Variants in LMLN observed in about 807,000 individuals in gnomAD.
LMLN encodes leishmanolysin-like peptidase.
In LMLN, 70 loss-of-function variants were observed where a neutral mutation model predicts 92.3. That is an observed-to-expected ratio of 0.76 (90% CI 0.63 to 0.92). The LOEUF is 0.92. Among genes scored for constraint, LMLN ranks in the 40% least tolerant of loss-of-function variants. The pLI, the probability that LMLN is intolerant of heterozygous loss-of-function variation, is 0.00. For synonymous variants in LMLN, 308 were observed against 296.2 expected (o/e 1.04, Z -0.41); for missense variants, 691 against 814.6 (o/e 0.85, Z 1.85).
At chr3:197,969,974 T>C (rs1221218183) in intron 1 of LMLN, among the ~76,000 whole-genome samples, 1 of 152,062 alleles carries the variant, frequency 6.6e-6, no homozygotes, top group African/African-American at 2.4e-5. Flanking sequence ...TGAAACCCTG[T>C]CTCTACTAAA....
intron 1 of LMLN, among the ~76,000 whole-genome samples, chr3:197,967,763 C>T (rs1224023617): frequency 2.0e-5 from 3 of 152,148 alleles, no homozygotes; most frequent in African/African-American, 7.2e-5. Flanking sequence ...TATTTCAGTC[C>T]TTATCTCAAC....
At chr3:197,960,626 C>T (rs1720837350) in intron 1 of LMLN, among the ~76,000 whole-genome samples, 186 bp downstream of exon 1, 1 of 152,194 alleles carries the variant, frequency 6.6e-6, no homozygotes, top group Non-Finnish European at 1.5e-5. Flanking sequence ...GTTAGGCGCT[C>T]AGAACAGTAT....
chr3:197,961,869 A>G (rs1232794269), intron 1 of LMLN, among the ~76,000 whole-genome samples: 1 of 152,182 alleles, frequency 6.6e-6, no homozygotes, highest in Non-Finnish European at 1.5e-5. Context: ...GCCGGTACAA[A>G]CAACATCAGA....
Position 198,021,427 on chromosome 3 carries a change from C to G in LMLN, c.1366-19C>G. On this transcript the variant is annotated intron_variant, in intron 12 of 15. Coordinates refer to ENST00000330198, the Ensembl canonical transcript of LMLN. ...AGAATGTTTCTTACTTTCTTGTCTTCCCAATATTTTTTCTGCAGTACTTTG... is the reference window on the plus strand; with the variant it reads ...AGAATGTTTCTTACTTTCTTGTCTTGCCAATATTTTTTCTGCAGTACTTTG... 1.9e-6 allele frequency: 3 copies of G among 1,609,580 alleles called. No homozygotes were observed. The highest frequency in any genetic ancestry group is 2.5e-6 in the Non-Finnish European group (3 of 1,177,406).
intron 8 of LMLN, among the ~76,000 whole-genome samples, chr3:197,989,207 C>T (rs1721798510): frequency 6.6e-6 from 1 of 152,136 alleles, no homozygotes; most frequent in African/African-American, 2.4e-5. Context: ...TGGAAACGCA[C>T]CACACCGCTC....
intron 11 of LMLN, among the ~76,000 whole-genome samples, chr3:198,008,364 CATA>C (rs1722349056): frequency 6.6e-6 from 1 of 152,124 alleles, no homozygotes; most frequent in Non-Finnish European, 1.5e-5. Context: ...TTATGAAATA[CATA>C]ATAATTATTA....
chr3:197,969,107 G>A (rs1048497040), intron 1 of LMLN, among the ~76,000 whole-genome samples: 2 of 151,034 alleles, frequency 1.3e-5, no homozygotes, highest in African/African-American at 4.8e-5. Flanking sequence ...TTTGAGATAG[G>A]GTCTCACTCT....
intron 11 of LMLN, among the ~76,000 whole-genome samples, chr3:198,010,796 A>G (rs1363876702): frequency 2.0e-5 from 3 of 152,112 alleles, no homozygotes; most frequent in Non-Finnish European, 4.4e-5. Context: ...TTGATTTGAG[A>G]TATTTCCTGT....
rs33926276 is a variant in LMLN at position 198,035,200 on chromosome 3, C to CAAAA, written c.1657-619_1657-616dup. Among the ~76,000 whole-genome samples, 44 of 96,602 alleles carry CAAAA rather than the reference C, an allele frequency of 4.6e-4. 1 individual carries two copies. Among genetic ancestry groups the CAAAA allele is most frequent in the African/African-American group, 1.5e-3 (43 of 28,134 alleles). The allele number at this position is 96,602 out of a possible 152,430, so 63.4% of individuals were successfully genotyped here. A position where few individuals can be genotyped will look rare whatever the true frequency, so the allele number is the denominator to read the frequency against. On this transcript the variant is annotated intron_variant, in intron 14 of 15. Coordinates refer to ENST00000330198, the Ensembl canonical transcript of LMLN. ...TGGGCAACAGAGCAAGACCCCATCT[C>CAAAA]AAAAAAAAAAAAAAAAAGCTGTATG...
At chr3:198,012,166 G>A (rs528978514) in intron 11 of LMLN, among the ~76,000 whole-genome samples, 1 of 152,264 alleles carries the variant, frequency 6.6e-6, no homozygotes, top group South Asian at 2.1e-4. Context: ...CCGAGTTCAA[G>A]CTCTTCTCCT....
chr3:197,985,588 G>A (rs1335525611), intron 7 of LMLN: 1 of 367,316 alleles, frequency 2.7e-6, no homozygotes, highest in Non-Finnish European at 4.9e-6. Flanking sequence ...TTTCTCGTTA[G>A]AAATATTTAC....
intron 1 of LMLN, among the ~76,000 whole-genome samples, chr3:197,961,885 T>A (rs756427116): frequency 5.3e-5 from 8 of 152,200 alleles, no homozygotes; most frequent in Non-Finnish European, 5.9e-5. Context: ...TCAGAATAAT[T>A]TAATGAACCC....
exon 16 of LMLN, chr3:198,038,889 C>T: frequency 3.5e-6 from 1 of 288,716 alleles, no homozygotes; most frequent in Non-Finnish European, 5.8e-6. Context: ...CCTTCATCAG[C>T]AACCCAACCA....
chr3:198,035,788 C>A, intron 14 of LMLN, 45 bp from the exon 16 acceptor site: 1 of 1,377,080 alleles, frequency 7.3e-7, no homozygotes, highest in Non-Finnish European at 1.0e-6. Flanking sequence ...TCTTACTGAC[C>A]TGATATTTAT....
chr3:197,985,599 C>A, intron 7 of LMLN, 197 bp from the exon 8 acceptor site: 2 of 378,644 alleles, frequency 5.3e-6, no homozygotes, highest in Admixed American at 4.1e-5. Context: ...AAATATTTAC[C>A]TCAAGTAATC....
At chr3:197,996,978 G>A (rs1480971056) in intron 10 of LMLN, among the ~76,000 whole-genome samples, 2 of 150,988 alleles carry the variant, frequency 1.3e-5, no homozygotes, top group South Asian at 2.1e-4. Context: ...TCGTTTGTTC[G>A]TTCTTTTCTT....
At chr3:197,993,987 ATTTTTAATAAAGG>A (rs1427746792) in intron 9 of LMLN, among the ~76,000 whole-genome samples, 1 of 152,204 alleles carries the variant, frequency 6.6e-6, no homozygotes. Flanking sequence ...TGGTTAATTG[ATTTTTAATAAAGG>A]TGCTAAGAAT....
chr3:197,996,501 G>A (rs1046657498), intron 10 of LMLN: 2 of 312,306 alleles, frequency 6.4e-6, no homozygotes, highest in African/African-American at 2.2e-5. Flanking sequence ...ACGCTGAATT[G>A]TCTATTTTTT....
chr3:197,986,247 G>A (rs1489624511), intron 8 of LMLN, among the ~76,000 whole-genome samples: 1 of 152,144 alleles, frequency 6.6e-6, no homozygotes, highest in African/African-American at 2.4e-5. Context: ...GATTGCTTGA[G>A]CCCATGAGTT....
Sources: allele counts gnomAD v4.1 joint callset (sites outside exome capture counted in the v4.1 genomes callset), GRCh38; gene constraint gnomAD v4.1.1; transcripts MANE v1.5; gene names NCBI Gene and HGNC (gene_info 2026-07-23, HGNC 2026-07-21).